CAST: variants seen among roughly 807,000 people sequenced by gnomAD.
CAST encodes calpastatin.
A neutral mutation model predicts 119.6 loss-of-function variants in CAST; 76 were observed. The observed-to-expected ratio is 0.64, with a 90% confidence interval of 0.53 to 0.77. The LOEUF (loss-of-function observed/expected upper bound fraction) is 0.77. Ranked by LOEUF, CAST falls within the 30% of genes least tolerant of loss-of-function variation. The pLI, the probability that CAST is intolerant of heterozygous loss-of-function variation, is 0.00. For synonymous variants in CAST, 319 were observed against 331.6 expected (o/e 0.96, Z 0.41); for missense variants, 953 against 946.5 (o/e 1.01, Z -0.09).
At chr5:96,441,722 A>C in the CAST span, among the ~76,000 whole-genome samples, 8 of 152,220 alleles carry the variant, frequency 5.3e-5, no homozygotes, top group Non-Finnish European at 1.2e-4. Context: ...GACATTCAAC[A>C]TCAGTAGAGG....
the CAST span, among the ~76,000 whole-genome samples, chr5:96,463,997 A>T: frequency 0.55 from 84,086 of 151,910 alleles, 23,606 homozygotes; most frequent in African/African-American, 0.63. Flanking sequence ...GAGGAGGATG[A>T]AGAAGCAAAG....
chr5:96,749,320 A>G (rs1230238350), intron 19 of CAST, among the ~76,000 whole-genome samples: 1 of 152,162 alleles, frequency 6.6e-6, no homozygotes, highest in Non-Finnish European at 1.5e-5. Context: ...TTTTTTATAT[A>G]TCACTATTAA....
the CAST span, among the ~76,000 whole-genome samples, chr5:96,410,457 G>A: frequency 1.3e-5 from 2 of 152,002 alleles, no homozygotes; most frequent in African/African-American, 2.4e-5. Flanking sequence ...CTCCTTTAAG[G>A]CTGTTTCCAG....
the CAST span, among the ~76,000 whole-genome samples, chr5:96,252,465 C>G: frequency 4.6e-5 from 7 of 152,062 alleles, no homozygotes; most frequent in Non-Finnish European, 8.8e-5. Flanking sequence ...TATTGATTAA[C>G]TTACCTTTGC....
At chr5:96,763,078 G>T in intron 25 of CAST, 1 of 771,126 alleles carries the variant, frequency 1.3e-6, no homozygotes. Flanking sequence ...CTTTGGTTGA[G>T]AACAGTGCCT....
At chr5:96,447,325 C>A in the CAST span, among the ~76,000 whole-genome samples, 2 of 152,190 alleles carry the variant, frequency 1.3e-5, no homozygotes, top group Non-Finnish European at 2.9e-5. Flanking sequence ...ATGTTAGGAC[C>A]TCAGGCAGTG....
At chr5:96,249,337 T>C in the CAST span, among the ~76,000 whole-genome samples, 10 of 152,242 alleles carry the variant, frequency 6.6e-5, no homozygotes, top group Non-Finnish European at 8.8e-5. Context: ...ATCTGCTGAG[T>C]GCCAACTTTG....
At chr5:96,375,887 A>ATC in the CAST span, among the ~76,000 whole-genome samples, 3,584 of 138,486 alleles carry the variant, frequency 0.026, 129 homozygotes, top group African/African-American at 0.084. Context: ...CTTAAAATAA[A>ATC]TCTCTCTCTC....
At chr5:96,233,004 T>TA in the CAST span, among the ~76,000 whole-genome samples, 9 of 151,940 alleles carry the variant, frequency 5.9e-5, no homozygotes, top group Admixed American at 3.3e-4. Flanking sequence ...CTTGGAATAG[T>TA]AAAAAAGGGG....
intron 1 of CAST, among the ~76,000 whole-genome samples, chr5:96,618,205 T>C (rs1190680215): frequency 1.3e-5 from 2 of 152,188 alleles, no homozygotes; most frequent in Non-Finnish European, 2.9e-5. Flanking sequence ...TAGGATATTC[T>C]TGAGAGTCCT....
the CAST span, among the ~76,000 whole-genome samples, chr5:96,487,634 T>C: frequency 6.6e-6 from 1 of 152,242 alleles, no homozygotes; most frequent in Non-Finnish European, 1.5e-5. Flanking sequence ...TTTAAACAAC[T>C]TCAGAGGGCT....
chr5:96,561,799 T>TTTTTTTTTTG (rs1561417185), intron 1 of CAST, among the ~76,000 whole-genome samples: 5 of 89,478 alleles, frequency 5.6e-5, no homozygotes, highest in Admixed American at 1.4e-4. Context: ...TTTTTTTGTT[T>TTTTTTTTTTG]TTTTTTTTTT....
chr5:96,050,817 C>A, the CAST span, among the ~76,000 whole-genome samples: 1 of 152,100 alleles, frequency 6.6e-6, no homozygotes, highest in African/African-American at 2.4e-5. Flanking sequence ...ACAAGGGAGA[C>A]CGATGGGCGA....
the CAST span, chr5:96,429,369 A>G: frequency 4.0e-6 from 4 of 995,132 alleles, no homozygotes; most frequent in South Asian, 5.2e-5. Flanking sequence ...ACAAGTATAT[A>G]TGGACTAGTT....
chr5:96,544,839 A>AAT (rs1554066877), intron 1 of CAST, among the ~76,000 whole-genome samples: 2 of 150,770 alleles, frequency 1.3e-5, no homozygotes, highest in Non-Finnish European at 3.0e-5. Context: ...TAAAAAAAAA[A>AAT]CACAACTATA....
At chr5:96,752,970 A>G (rs925381109) in intron 20 of CAST, among the ~76,000 whole-genome samples, 1 of 149,504 alleles carries the variant, frequency 6.7e-6, no homozygotes, top group African/African-American at 2.5e-5. Context: ...ATACACACAC[A>G]CACACACACA....
the CAST span, among the ~76,000 whole-genome samples, chr5:96,022,851 G>A: frequency 6.6e-6 from 1 of 151,858 alleles, no homozygotes; most frequent in Admixed American, 6.6e-5. Context: ...GGAAACCTCT[G>A]TTTTCTGCTC....
At chr5:95,984,646 T>C in the CAST span, among the ~76,000 whole-genome samples, 1 of 152,152 alleles carries the variant, frequency 6.6e-6, no homozygotes, top group Non-Finnish European at 1.5e-5. Context: ...TATATATTTT[T>C]TGGCAGCAGA....
chr5:96,499,681 T>A, the CAST span, among the ~76,000 whole-genome samples: 1 of 152,222 alleles, frequency 6.6e-6, no homozygotes, highest in East Asian at 1.9e-4. Context: ...GGATAGCATT[T>A]ACCCATAGTA....
Sources: allele counts gnomAD v4.1 joint callset (sites outside exome capture counted in the v4.1 genomes callset), GRCh38; gene constraint gnomAD v4.1.1; transcripts MANE v1.5; gene names NCBI Gene and HGNC (gene_info 2026-07-23, HGNC 2026-07-21).